SORL1: variants seen among roughly 807,000 people sequenced by gnomAD.
SORL1 encodes sortilin-related receptor.
In SORL1, 127 loss-of-function variants were observed where a neutral mutation model predicts 273.7. The observed-to-expected ratio is 0.46, with a 90% CI of 0.40 to 0.54. SORL1 has a LOEUF of 0.54. Among genes scored for constraint, SORL1 ranks in the 20% least tolerant of loss-of-function variants. SORL1 has a pLI of 0.00. For synonymous variants in SORL1, 1,031 were observed against 1,067.4 expected (o/e 0.97, Z 0.66); for missense variants, 2,494 against 2,846.1 (o/e 0.88, Z 2.81).
At chr11:121,605,650 G>C in intron 35 of SORL1, 79 bp downstream of exon 35, 3 of 1,156,124 alleles carry the variant, frequency 2.6e-6, no homozygotes, top group Non-Finnish European at 3.8e-6. Flanking sequence ...AGTATTCTCA[G>C]GAATGTGGGA....
chr11:121,584,315 T>C (rs1294231167), intron 26 of SORL1, among the ~76,000 whole-genome samples: 1 of 152,228 alleles, frequency 6.6e-6, no homozygotes, highest in Non-Finnish European at 1.5e-5. Context: ...TTTGTATCTT[T>C]TTAGTTGCTT....
rs147039365 is a variant in SORL1 at position 121,547,707 on chromosome 11, G to A, written c.2052-2253G>A. On this transcript the variant is annotated intron_variant, in intron 14 of 47. Transcript: ENST00000260197. ...GGTATATGGATGTCAGCTGTTCCCC[G>A]CTCCACCCCTCCCAATTGTTTCTCT... Among the ~76,000 whole-genome samples, 379 of 152,034 alleles carry A rather than the reference G, an allele frequency of 2.5e-3. 2 individuals are homozygous for A. The highest frequency in any genetic ancestry group is 8.8e-3 in the African/African-American group (363 of 41,448).
intron 3 of SORL1, among the ~76,000 whole-genome samples, chr11:121,481,416 C>T (rs1861383982): frequency 7.9e-6 from 1 of 126,796 alleles, no homozygotes; most frequent in African/African-American, 3.3e-5. Context: ...CTCCTCCTCC[C>T]CAGCTCCTCT....
chr11:121,578,641 G>A (rs756021246), intron 25 of SORL1, among the ~76,000 whole-genome samples: 7 of 152,200 alleles, frequency 4.6e-5, no homozygotes, highest in Non-Finnish European at 1.0e-4. Flanking sequence ...TTTGTGGATT[G>A]AGTAATTTTA....
intron 24 of SORL1, chr11:121,576,983 A>G (rs1284936961): frequency 6.7e-7 from 1 of 1,484,372 alleles, no homozygotes; most frequent in East Asian, 2.5e-5. Context: ...CAAGCATAGA[A>G]AATAATATAT....
chr11:121,543,058 G>A (rs1862370736), intron 12 of SORL1, among the ~76,000 whole-genome samples: 1 of 151,098 alleles, frequency 6.6e-6, no homozygotes, highest in Non-Finnish European at 1.5e-5. Flanking sequence ...GGGTGTGGTG[G>A]CGGGCACCTA....
Position 121,513,090 on chromosome 11 carries a change from A to G in SORL1, c.1027A>G (p.Arg343Gly). 1.9e-6 allele frequency: 3 copies of G among 1,612,436 alleles called. No individual in the cohort carries two copies. The highest frequency in any genetic ancestry group is 1.3e-5 in the African/African-American group (1 of 75,018). The change falls in exon 7 of 48, where the codon AGA becomes GGA. Residue 343 changes from arginine to glycine, a missense_variant. Physicochemically the swap from Arg to Gly is moderately radical, Grantham distance 125. Transcript: ENST00000260197. ...KPMRAAQFVT[R>G]HPINEYYIAD... The stretch of plus-strand genomic sequence containing the variant: ...CATGAGAGCAGCCCAGTTTGTCACA[A>G]GACATCCTATTAATGTGAGTGGGGT...
chr11:121,544,276 G>A (rs1276974449), intron 13 of SORL1, among the ~76,000 whole-genome samples: 2 of 152,068 alleles, frequency 1.3e-5, no homozygotes, highest in African/African-American at 4.8e-5. Context: ...GGAGTGCCCT[G>A]TTTCTTCTCA....
chr11:121,590,026 G>A lies in SORL1; in HGVS notation c.4079-14G>A. 6.2e-7 allele frequency: 1 copy of A among 1,613,472 alleles called. No individual in the cohort carries two copies. On this transcript the variant is annotated splice_polypyrimidine_tract_variant and intron_variant, in intron 29 of 47. Coordinates refer to ENST00000260197, the MANE Select transcript of SORL1 (RefSeq NM_003105.6). ...TGCAGGGAAAGCAACTGATGATGTG[G>A]TTGATCTCTGCAGAAAACCCCACAG...
intron 1 of SORL1, among the ~76,000 whole-genome samples, chr11:121,467,965 A>T (rs1861109697): frequency 6.6e-6 from 1 of 152,226 alleles, no homozygotes; most frequent in Non-Finnish European, 1.5e-5. Context: ...CCTGGATCAA[A>T]TTAAATGCAG....
chr11:121,528,185 T>C (rs1228018460), intron 11 of SORL1, among the ~76,000 whole-genome samples: 2 of 152,116 alleles, frequency 1.3e-5, no homozygotes, highest in African/African-American at 2.4e-5. Context: ...AACTGAGATA[T>C]AGGCTGCACA....
intron 6 of SORL1, among the ~76,000 whole-genome samples, chr11:121,502,313 T>A (rs545395987): frequency 6.6e-5 from 10 of 151,842 alleles, no homozygotes; most frequent in Admixed American, 5.2e-4. Flanking sequence ...TTTTTTGTAT[T>A]TTTTAGTAGA....
intron 23 of SORL1, among the ~76,000 whole-genome samples, chr11:121,571,206 A>T (rs897318519): frequency 6.6e-6 from 1 of 152,250 alleles, no homozygotes; most frequent in African/African-American, 2.4e-5. Context: ...GGCAGGCCCT[A>T]GCAAAGAGCT....
Position 121,488,164 on chromosome 11 carries a change from G to A in SORL1, c.661G>A (p.Gly221Ser). 3.1e-6 allele frequency: 5 copies of A among 1,614,038 alleles called. No homozygotes were observed. The highest frequency in any genetic ancestry group is 4.2e-6 in the Non-Finnish European group (5 of 1,180,006). The change falls in exon 4 of 48, where the codon GGC becomes AGC. Residue 221 changes from glycine (G) to serine (S), a missense_variant. Transcript: ENST00000260197. ...CAGTAAGGCCTCCAACCTTCTCTTG[G>A]GCTTTGACAGGTCCCACCCCAACAA... ...LHSKASNLLL[G>S]FDRSHPNKQL...
chr11:121,480,459 A>G (rs1215622114), intron 3 of SORL1, among the ~76,000 whole-genome samples: 2 of 152,042 alleles, frequency 1.3e-5, no homozygotes, highest in Non-Finnish European at 2.9e-5. Flanking sequence ...GTATTTACAC[A>G]TTGTCTCAGA....
At chr11:121,490,199 G>C in intron 5 of SORL1, 89 bp downstream of exon 5, 1 of 840,938 alleles carries the variant, frequency 1.2e-6, no homozygotes. Context: ...GCCCTCCCCT[G>C]AAATGTCCAG....
chr11:121,546,559 T>G (rs1278568929), intron 14 of SORL1, among the ~76,000 whole-genome samples: 1 of 152,232 alleles, frequency 6.6e-6, no homozygotes, highest in African/African-American at 2.4e-5. Flanking sequence ...TAGATTTTGC[T>G]TTGGGCAGCT....
intron 28 of SORL1, 26 bp from the exon 29 acceptor site, chr11:121,589,233 T>C (rs1363801856): frequency 1.2e-6 from 2 of 1,611,226 alleles, no homozygotes; most frequent in Non-Finnish European, 1.7e-6. Context: ...GTTCCTGGAC[T>C]TCATGGATGT....
intron 45 of SORL1, among the ~76,000 whole-genome samples, chr11:121,624,600 A>G (rs529263900): frequency 3.9e-5 from 6 of 152,328 alleles, no homozygotes; most frequent in Admixed American, 6.5e-5. Context: ...TGAGCCGACA[A>G]GGTCATTCCT....
Sources: allele counts gnomAD v4.1 joint callset (sites outside exome capture counted in the v4.1 genomes callset), GRCh38; gene constraint gnomAD v4.1.1; transcripts MANE v1.5; gene names NCBI Gene and HGNC (gene_info 2026-07-23, HGNC 2026-07-21).